GLRX2: variants seen among roughly 807,000 people sequenced by gnomAD.
GLRX2 encodes bA101E13.1 (GRX2 glutaredoxin (thioltransferase) 2).
GLRX2 carries 12 observed loss-of-function variants against 16.4 expected under a neutral mutation model. The ratio of observed to expected loss-of-function variants is 0.73; its 90% CI spans 0.47 to 1.19. The LOEUF is 1.19. GLRX2 is among the 50% of genes most tolerant of loss of function. GLRX2 has a pLI of 0.00. For synonymous variants in GLRX2, 95 were observed against 76.2 expected (o/e 1.25, Z -1.28); for missense variants, 201 against 201.8 (o/e 1.00, Z 0.02).
Position 193,100,787 on chromosome 1 carries a change from A to C in GLRX2, c.183+354T>G, listed in dbSNP as rs544563685. 6.6e-5 allele frequency among the ~76,000 whole-genome samples: 10 copies of C among 152,346 alleles called. No individual in the cohort carries two copies. In the South Asian group the frequency reaches 2.1e-3, roughly 32 times the overall value. On this transcript the variant is annotated intron_variant, in intron 2 of 3. Transcript: ENST00000367439. The stretch of plus-strand genomic sequence containing the variant: ...TTCTGTACTAACAAAGAAAACTGTT[A>C]AACTGCTTCCCAGGCCAAAATCAAA...
chr1:193,103,203 C>T (rs778719280), intron 1 of GLRX2, among the ~76,000 whole-genome samples: 1 of 152,078 alleles, frequency 6.6e-6, no homozygotes, highest in Admixed American at 6.5e-5. Context: ...GCTGAGGTTG[C>T]TAAGGTCTAT....
At chr1:193,105,240 C>T (rs755219704) in intron 1 of GLRX2, 24 bp downstream of exon 1, 1 of 1,530,488 alleles carries the variant, frequency 6.5e-7, no homozygotes, top group South Asian at 1.2e-5. Context: ...CACGCCGCGG[C>T]ACTCCTGCCC....
At chr1:193,106,093 CAGT>C (rs1675197154), upstream of GLRX2, 1 of 949,266 alleles carries the variant, frequency 1.1e-6, no homozygotes. Context: ...TTAAGCCACT[CAGT>C]GGTGGTAATA....
chr1:193,105,145 G>T, intron 1 of GLRX2, 119 bp downstream of exon 1: 24 of 1,381,648 alleles, frequency 1.7e-5, no homozygotes, highest in Non-Finnish European at 2.2e-5. Context: ...GAGCCCACGC[G>T]CTAGTACGCC....
upstream of GLRX2, chr1:193,105,526 G>C (rs761942184): frequency 1.7e-5 from 27 of 1,557,878 alleles, no homozygotes; most frequent in Non-Finnish European, 2.3e-5. Flanking sequence ...CCTCCTCGCA[G>C]CTGAGCGCGT....
chr1:193,105,398 C>G lies in GLRX2; in HGVS notation c.-16G>C, dbSNP rs778566371. On this transcript the variant is annotated 5_prime_UTR_variant, in exon 1 of 4. Coordinates refer to ENST00000367439, the MANE Select transcript of GLRX2 (RefSeq NM_197962.3). ...GCCAAATCATGGTCAGAGCCCGGAT[C>G]TGCAGCGAGCTCTACTGCCGGACAC... 6.9e-5 allele frequency: 105 copies of G among 1,523,644 alleles called. No homozygotes were observed. The East Asian group carries it at 2.7e-3, about 40-fold the overall frequency. 94.4% of individuals were successfully genotyped at this position (1,523,644 alleles called of 1,614,324 possible).
chr1:193,098,165 T>C (rs957575507), intron 2 of GLRX2, among the ~76,000 whole-genome samples: 6 of 152,310 alleles, frequency 3.9e-5, no homozygotes, highest in African/African-American at 1.4e-4. Context: ...AATTTGTTCA[T>C]GGTTCTCAGC....
chr1:193,096,706 ATGAG>A lies in GLRX2; in HGVS notation c.410_413del (p.Thr137IlefsTer12). 1 of 1,608,996 alleles carries A rather than the reference ATGAG, an allele frequency of 6.2e-7. No homozygotes were observed. The highest frequency in any genetic ancestry group is 8.5e-7 in the Non-Finnish European group (1 of 1,175,716). On this transcript the variant is annotated frameshift_variant, in exon 4 of 4. Coordinates refer to ENST00000367439, the MANE Select transcript of GLRX2 (RefSeq NM_197962.3). LOFTEE classifies it high-confidence loss of function. Reference sequence around the variant, plus strand: ...GCAATTTTCCTTCTTTGTGAAGCCTATGAGTGTCAGTTGCACCTCCAATAAAAGT... The same window carrying A: ...GCAATTTTCCTTCTTTGTGAAGCCTATGTCAGTTGCACCTCCAATAAAAGT...
At chr1:193,099,032 C>A (rs761649323) in intron 2 of GLRX2, among the ~76,000 whole-genome samples, 5 of 152,256 alleles carry the variant, frequency 3.3e-5, no homozygotes, top group Admixed American at 1.3e-4. Context: ...TCATTACTCT[C>A]TTGATAAGGT....
intron 1 of GLRX2, among the ~76,000 whole-genome samples, chr1:193,102,784 T>C (rs1675105422): frequency 6.6e-6 from 1 of 152,198 alleles, no homozygotes; most frequent in Non-Finnish European, 1.5e-5. Context: ...CAAGGTCAGC[T>C]GTGGTCCAAA....
chr1:193,104,443 C>A (rs1031691674), intron 1 of GLRX2, among the ~76,000 whole-genome samples: 4 of 152,192 alleles, frequency 2.6e-5, no homozygotes, highest in African/African-American at 9.7e-5. Flanking sequence ...CACTTAACAG[C>A]CTGTGATTAG....
intron 2 of GLRX2, among the ~76,000 whole-genome samples, chr1:193,098,515 C>CAAAACAAACAG (rs2103098141): frequency 6.6e-6 from 1 of 152,216 alleles, no homozygotes; most frequent in South Asian, 2.1e-4. Context: ...TAAGTGGACT[C>CAAAACAAACAG]TGTCTCAAAA....
intron 1 of GLRX2, among the ~76,000 whole-genome samples, chr1:193,103,813 CA>C (rs372615581): frequency 7.2e-4 from 105 of 146,306 alleles, no homozygotes; most frequent in African/African-American, 2.2e-3. Flanking sequence ...CACTTTAAAA[CA>C]AAAAAAAAAG....
intron 1 of GLRX2, among the ~76,000 whole-genome samples, chr1:193,102,955 T>C (rs942705996): frequency 1.3e-5 from 2 of 152,196 alleles, no homozygotes; most frequent in African/African-American, 4.8e-5. Context: ...AACAGCTGTC[T>C]TGGTGACCAG....
At chr1:193,097,398 C>CAA (rs1674980746) in intron 3 of GLRX2, among the ~76,000 whole-genome samples, 186 bp downstream of exon 3, 1 of 152,206 alleles carries the variant, frequency 6.6e-6, no homozygotes, top group African/African-American at 2.4e-5. Context: ...AACACACACA[C>CAA]AGAATAAAAA....
Position 193,097,583 on chromosome 1 carries a change from C to T in GLRX2, c.360+1G>A, listed in dbSNP as rs1239025615. On this transcript the variant is annotated splice_donor_variant, in intron 3 of 3. Transcript: ENST00000367439. LOFTEE classifies it high-confidence loss of function. ...AACAGCACCACAGAGGATATACTCA[C>T]AGTTCTTTCACCAGTCATTTTGTAA... is the stretch of plus-strand genomic sequence containing the variant. 1.2e-6 allele frequency: 2 copies of T among 1,603,250 alleles called. No individual in the cohort carries two copies. Among genetic ancestry groups the T allele is most frequent in the Admixed American group, 1.7e-5 (1 of 58,246 alleles).
At chr1:193,105,108 T>A (rs1333891945) in intron 1 of GLRX2, 156 bp downstream of exon 1, 14 of 814,282 alleles carry the variant, frequency 1.7e-5, no homozygotes, top group Non-Finnish European at 1.9e-5. Flanking sequence ...TGCCCATCCC[T>A]CGAGCGCCTC....
upstream of GLRX2, chr1:193,105,514 C>T: frequency 6.5e-7 from 1 of 1,533,648 alleles, no homozygotes; most frequent in Non-Finnish European, 8.8e-7. Flanking sequence ...CGCCGCCGGT[C>T]ACCTCCTCGC....
chr1:193,099,907 TG>T, intron 2 of GLRX2, among the ~76,000 whole-genome samples: 1 of 152,226 alleles, frequency 6.6e-6, no homozygotes, highest in Admixed American at 6.5e-5. Flanking sequence ...TAAGGCTGAG[TG>T]GTTCGTAATA....
Sources: allele counts gnomAD v4.1 joint callset (sites outside exome capture counted in the v4.1 genomes callset), GRCh38; gene constraint gnomAD v4.1.1; transcripts MANE v1.5; gene names NCBI Gene and HGNC (gene_info 2026-07-23, HGNC 2026-07-21).